Variants in TMED7 observed in about 807,000 individuals in gnomAD.
TMED7 encodes transmembrane emp24 domain-containing protein 7.
Under a neutral mutation model 23.4 loss-of-function variants are expected in TMED7, and 8 were observed. The observed-to-expected ratio is 0.34, with a 90% CI of 0.20 to 0.62. The LOEUF is 0.62. Ranked by LOEUF, TMED7 falls within the 20% of genes least tolerant of loss-of-function variation. The pLI is 0.77. For synonymous variants in TMED7, 121 were observed against 108.5 expected (o/e 1.12, Z -0.72); for missense variants, 232 against 279.1 (o/e 0.83, Z 1.20).
Position 115,620,608 on chromosome 5 carries a change from T to A in TMED7, c.265A>T (p.Met89Leu). The change falls in exon 2 of 3, where the codon ATG (methionine) becomes TTG (leucine). Residue 89 changes from methionine (M) to leucine (L), a missense_variant. By Grantham distance (15) the Met-to-Leu change is conservative. Around this residue, in one of 2 missense-constraint regions of TMED7, gnomAD observed 126 missense variants for 182.1 expected, o/e 0.69. Coordinates refer to ENST00000456936, the MANE Select transcript of TMED7 (RefSeq NM_181836.6). ...DPDGKVLYKEMKKQYDSFTFT... is the reference protein window; with the variant it reads ...DPDGKVLYKELKKQYDSFTFT... ...GTAAAACTATCATACTGTTTCTTCATCTCTTTGTATAACACTTTACCATCA... is the reference window on the plus strand; with the variant it reads ...GTAAAACTATCATACTGTTTCTTCAACTCTTTGTATAACACTTTACCATCA... The A allele has an allele frequency of 6.2e-7, 1 of 1,600,970 alleles. No individual in the cohort carries two copies. Among genetic ancestry groups the A allele is most frequent in the Non-Finnish European group, 8.5e-7 (1 of 1,174,782 alleles).
intron 2 of TMED7, chr5:115,619,068 G>A (rs973387658): frequency 3.3e-5 from 5 of 152,086 alleles, no homozygotes; most frequent in African/African-American, 1.2e-4. Flanking sequence ...AATAAAAAAT[G>A]TAGCATGGAT....
At chr5:115,616,655 T>A in intron 2 of TMED7, 1 of 692,904 alleles carries the variant, frequency 1.4e-6, no homozygotes, top group Non-Finnish European at 2.3e-6. Flanking sequence ...AGAGATCTCA[T>A]GAAGCAGCTG....
rs1219358745 is a variant in TMED7, at chr5:115,614,711, G to C, written c.*1498C>G. 1 of 152,058 alleles carries C rather than the reference G, an allele frequency of 6.6e-6. No homozygotes were observed. The highest frequency in any genetic ancestry group is 1.5e-5 in the Non-Finnish European group (1 of 67,962). 9.4% of individuals were successfully genotyped at this position (152,058 alleles called of 1,614,324 possible). A position where few individuals can be genotyped will look rare whatever the true frequency, so the allele number is the denominator to read the frequency against. On this transcript the variant is annotated 3_prime_UTR_variant, in exon 3 of 3. Coordinates refer to ENST00000456936, the MANE Select transcript of TMED7 (RefSeq NM_181836.6). ...AGGCATGACAACTTGAATTTGTTTT[G>C]CTCTTCCATGCAAGAAGTATATATA...
chr5:115,622,994 T>G (rs890741296), intron 1 of TMED7, among the ~76,000 whole-genome samples: 19 of 152,218 alleles, frequency 1.2e-4, no homozygotes, highest in Non-Finnish European at 2.5e-4. Flanking sequence ...AATCTACAGT[T>G]TATAACATTA....
intron 2 of TMED7, among the ~76,000 whole-genome samples, chr5:115,617,966 G>C (rs764452942): frequency 2.6e-5 from 4 of 152,142 alleles, no homozygotes; most frequent in Non-Finnish European, 1.5e-5. Context: ...GCTAATTTTT[G>C]TATTTTTAGT....
intron 2 of TMED7, among the ~76,000 whole-genome samples, chr5:115,617,885 C>G (rs1018000388): frequency 2.6e-5 from 4 of 152,150 alleles, no homozygotes; most frequent in African/African-American, 9.7e-5. Flanking sequence ...CTTCCACCTC[C>G]TAGGTTCAAG....
chr5:115,620,673 G>A lies in TMED7; in HGVS notation c.200C>T (p.Thr67Ile). 6.8e-7 allele frequency: 1 copy of A among 1,478,414 alleles called. No homozygotes were observed. The highest frequency in any genetic ancestry group is 1.4e-5 in the African/African-American group (1 of 69,390). The allele number at this position is 1,478,414 out of a possible 1,614,324, so 91.6% of individuals were successfully genotyped here. Residue 67 changes from threonine to isoleucine, a missense_variant, in exon 2 of 3, where the codon ACT (threonine) becomes ATT (isoleucine). Coordinates refer to ENST00000456936, the MANE Select transcript of TMED7 (RefSeq NM_181836.6). Reference protein sequence around the residue: ...TKCTLEFQVITGGHYDVDCRL... With the variant: ...TKCTLEFQVIIGGHYDVDCRL... ...ACAATCTACATCATAGTGACCACCA[G>A]TAATCACCTGTAAGAGATTAAAAAA...
intron 2 of TMED7, among the ~76,000 whole-genome samples, chr5:115,618,038 C>T (rs900534631): frequency 9.9e-5 from 15 of 152,170 alleles, no homozygotes; most frequent in Admixed American, 2.0e-4. Context: ...ATGATCCGCC[C>T]GCCTCGGCCT....
intron 2 of TMED7, among the ~76,000 whole-genome samples, chr5:115,618,919 C>T (rs1246895524): frequency 6.6e-6 from 1 of 151,056 alleles, no homozygotes; most frequent in Non-Finnish European, 1.5e-5. Flanking sequence ...TAATTTTGTT[C>T]TGAACTTACT....
rs780486097 is a variant in TMED7 at position 115,620,476 on chromosome 5, G to A, written c.397C>T (p.Pro133Ser). 6.3e-7 allele frequency: 1 copy of A among 1,585,780 alleles called. No individual in the cohort carries two copies. The highest frequency in any genetic ancestry group is 8.6e-7 in the Non-Finnish European group (1 of 1,166,398). Residue 133 changes from proline to serine, a missense_variant, in exon 2 of 3, where the codon CCT (proline) becomes TCT (serine). Transcript: ENST00000456936. ...ACTCGGTTCTCACTAGGAAACAAAGGTGGGTCTTCTCCAACTTGAAAATCA... is the reference window on the plus strand; with the variant it reads ...ACTCGGTTCTCACTAGGAAACAAAGATGGGTCTTCTCCAACTTGAAAATCA... ...YFDFQVGEDP[P>S]LFPSENRVSA...
At chr5:115,623,287 AAT>A (rs1295281759) in intron 1 of TMED7, among the ~76,000 whole-genome samples, 1 of 152,200 alleles carries the variant, frequency 6.6e-6, no homozygotes, top group Non-Finnish European at 1.5e-5. Flanking sequence ...AGCAACCCAA[AAT>A]AGAGTCCTGA....
chr5:115,617,774 T>C (rs1333173058), intron 2 of TMED7, among the ~76,000 whole-genome samples: 1 of 152,222 alleles, frequency 6.6e-6, no homozygotes, highest in Non-Finnish European at 1.5e-5. Flanking sequence ...GAAATTAAAT[T>C]ACATGCATTC....
At position 115,626,012 on chromosome 5, in the gene TMED7, C is replaced by CCTCT. The variant is rs1404016027; in HGVS notation, c.-221_-220insAGAG. On this transcript the variant is annotated 5_prime_UTR_variant, in exon 1 of 3. Coordinates refer to ENST00000456936, the MANE Select transcript of TMED7 (RefSeq NM_181836.6). ...GGAGGTAAAAGAGAAGCGGAAAAGGCCTGAGAGGGTCGGAAGTGGGGATTA... is the reference window on the plus strand; with the variant it reads ...GGAGGTAAAAGAGAAGCGGAAAAGGCCTCTCTGAGAGGGTCGGAAGTGGGGATTA... The CCTCT allele has an allele frequency of 5.8e-6, 3 of 519,784 alleles. No homozygotes were observed. The highest frequency in any genetic ancestry group is 4.0e-5 in the African/African-American group (2 of 50,178). The allele number at this position is 519,784 out of a possible 1,614,324, so 32.2% of individuals were successfully genotyped here. A position where few individuals can be genotyped will look rare whatever the true frequency, so the allele number is the denominator to read the frequency against.
Position 115,616,230 on chromosome 5 carries a change from G to T in TMED7, c.654C>A (p.Thr218=). Residue 218 remains threonine (T), a synonymous_variant, in exon 3 of 3, where the codon ACC becomes ACA. Coordinates refer to ENST00000456936, the MANE Select transcript of TMED7 (RefSeq NM_181836.6). ...GTAGTTATGATCCAACACGAGTTGT[G>T]GTGGTTCTTTTATCTGAGAAAAAGC... ...LKSFFSDKRT[T]TTRVGS 1 of 1,614,064 alleles carries T rather than the reference G, an allele frequency of 6.2e-7. No individual in the cohort carries two copies. The highest frequency in any genetic ancestry group is 8.5e-7 in the Non-Finnish European group (1 of 1,179,950).
intron 1 of TMED7, among the ~76,000 whole-genome samples, chr5:115,625,075 G>A (rs1434502811): frequency 6.6e-6 from 1 of 152,224 alleles, no homozygotes; most frequent in African/African-American, 2.4e-5. Context: ...CCAAATATCA[G>A]AAGGGGCCTC....
At chr5:115,620,832 T>C (rs1757004400) in intron 1 of TMED7, 152 bp from the exon 2 acceptor site, 3 of 1,011,216 alleles carry the variant, frequency 3.0e-6, no homozygotes, top group Admixed American at 8.6e-5. Flanking sequence ...CTTGGGAGAT[T>C]TTACTTCAAC....
intron 2 of TMED7, 137 bp downstream of exon 2, chr5:115,620,298 A>C (rs946664381): frequency 3.0e-5 from 35 of 1,182,120 alleles, no homozygotes; most frequent in Non-Finnish European, 3.4e-5. Flanking sequence ...TGAAATGCCT[A>C]CATGTAAGAA....
At chr5:115,616,478 AT>A (rs759951823) in intron 2 of TMED7, 33 bp from the exon 3 acceptor site, 1 of 1,613,454 alleles carries the variant, frequency 6.2e-7, no homozygotes, top group East Asian at 2.2e-5. Flanking sequence ...AGTATGTGTG[AT>A]ACTTTCTGTA....
In TMED7 at chr5:115,620,667, C is replaced by A; in HGVS notation, c.206G>T (p.Gly69Val). Residue 69 changes from glycine (G) to valine (V), a missense_variant, in exon 2 of 3, where the codon GGT (glycine) becomes GTT (valine). Physicochemically the swap from Gly to Val is moderately radical, Grantham distance 109. Transcript: ENST00000456936. ...CTLEFQVITG[G>V]HYDVDCRLED... ...TAATCGACAATCTACATCATAGTGA[C>A]CACCAGTAATCACCTGTAAGAGATT... The A allele has an allele frequency of 6.7e-7, 1 of 1,497,944 alleles. No individual in the cohort carries two copies. Among genetic ancestry groups the A allele is most frequent in the East Asian group, 2.5e-5 (1 of 39,340 alleles). 92.8% of individuals were successfully genotyped at this position (1,497,944 alleles called of 1,614,324 possible).
Sources: allele counts gnomAD v4.1 joint callset (sites outside exome capture counted in the v4.1 genomes callset), GRCh38; gene constraint gnomAD v4.1.1; regional missense constraint gnomAD v4.1.1; transcripts MANE v1.5; gene names NCBI Gene and HGNC (gene_info 2026-07-23, HGNC 2026-07-21).